The following DNAH9 variants were observed in gnomAD, a reference collection of about 807,000 sequenced individuals.
DNAH9 encodes the protein dynein axonemal heavy chain 9.
DNAH9 carries 345 observed loss-of-function variants against 471.6 expected under a neutral mutation model. The ratio of observed to expected loss-of-function variants is 0.73; its 90% CI spans 0.67 to 0.80. DNAH9 has a LOEUF of 0.80. DNAH9 is among the 30% of genes least tolerant of loss of function. The pLI, the probability that DNAH9 is intolerant of heterozygous loss-of-function variation, is 0.00. For missense variants in DNAH9, 5,407 were observed against 5,609.2 expected, an observed-to-expected ratio of 0.96 and a Z score of 1.15; for synonymous variants, 2,093 against 2,123.6, an observed-to-expected ratio of 0.99 and a Z score of 0.40.
rs891994877 is a variant in DNAH9 at position 11,711,685 on chromosome 17, C to T, written c.5552+6500C>T. On this transcript the variant is annotated intron_variant, in intron 26 of 68. Transcript: ENST00000262442. ...ATAAACCACTGGGGTTTTTGATTGG[C>T]ATGCCTTAATACTTTCAACTTCATT... 4.6e-5 allele frequency among the ~76,000 whole-genome samples: 7 copies of T among 151,014 alleles called. No individual in the cohort carries two copies. The East Asian group carries it at 9.8e-4, about 21-fold the overall frequency.
At position 11,651,153 on chromosome 17, in the gene DNAH9, T is replaced by G; in HGVS notation, c.2182T>G (p.Ser728Ala). 1 of 1,614,168 alleles carries G rather than the reference T, an allele frequency of 6.2e-7. No individual in the cohort carries two copies. The highest frequency in any genetic ancestry group is 8.5e-7 in the Non-Finnish European group (1 of 1,180,002). The part of the protein sequence containing the change: ...MPETAAAMFS[S>A]RDFYRQLVAN... ...TGAGACAGCAGCAGCCATGTTCTCC[T>G]CCAGGGATTTCTATCGGCAGCTTGT... The change falls in exon 13 of 69, where the codon TCC becomes GCC. Residue 728 changes from serine (S) to alanine (A), a missense_variant. Ser to Ala is a moderately conservative substitution (Grantham distance 99). Around this residue, in one of 3 missense-constraint regions of DNAH9, gnomAD observed 4,636 missense variants for 4,900.3 expected, o/e 0.95. Coordinates refer to ENST00000262442, the MANE Select transcript of DNAH9 (RefSeq NM_001372.4).
chr17:11,968,604 T>C (rs1976932330), intron 68 of DNAH9, among the ~76,000 whole-genome samples: 1 of 152,246 alleles, frequency 6.6e-6, no homozygotes, highest in African/African-American at 2.4e-5. Context: ...AGTGTGGTAG[T>C]GTATGTTGTA....
chr17:11,936,109 C>G (rs1273059981), intron 65 of DNAH9, among the ~76,000 whole-genome samples: 1 of 152,168 alleles, frequency 6.6e-6, no homozygotes, highest in African/African-American at 2.4e-5. Context: ...TCTTATACTT[C>G]TCTTTAATGT....
At chr17:11,818,435 A>C (rs1970184443) in intron 45 of DNAH9, among the ~76,000 whole-genome samples, 1 of 151,934 alleles carries the variant, frequency 6.6e-6, no homozygotes, top group Non-Finnish European at 1.5e-5. Flanking sequence ...ATTTAAAAAA[A>C]AAAAAAAGAA....
rs533829633 is a variant in DNAH9 at position 11,664,741 on chromosome 17, T to C, written c.2596-92T>C. 8.5e-6 allele frequency: 9 copies of C among 1,055,776 alleles called. No homozygotes were observed. In the South Asian group the frequency reaches 1.0e-4, roughly 12 times the overall value. 65.4% of individuals were successfully genotyped at this position (1,055,776 alleles called of 1,614,324 possible). A position where few individuals can be genotyped will look rare whatever the true frequency, so the allele number is the denominator to read the frequency against. On this transcript the variant is annotated intron_variant, in intron 14 of 68. Coordinates refer to ENST00000262442, the MANE Select transcript of DNAH9 (RefSeq NM_001372.4). Reference sequence around the variant, plus strand: ...CAAATTCTCCACAAGAGAGTTTTTTTCTCCATATGTTGTTTTTATTTTGAC... The same window carrying C: ...CAAATTCTCCACAAGAGAGTTTTTTCCTCCATATGTTGTTTTTATTTTGAC...
rs2150651874 is a variant in DNAH9 at position 11,617,496 on chromosome 17, G to C, written c.990G>C (p.Glu330Asp). Residue 330 changes from glutamate (E) to aspartate (D), a missense_variant, in exon 5 of 69, where the codon GAG (glutamate) becomes GAC (aspartate). By Grantham distance (45) the Glu-to-Asp change is conservative (BLOSUM62 2). Around this residue, in one of 3 missense-constraint regions of DNAH9, gnomAD observed 767 missense variants for 692.5 expected, o/e 1.11. Transcript: ENST00000262442. ...CTCTGGAGAATGCAGAATTTCCGGA[G>C]GTGAAGCCCCAGCTGCGGCCCCTGC... ...LEALENAEFP[E>D]VKPQLRPLLH... 6.2e-7 allele frequency: 1 copy of C among 1,614,152 alleles called. No individual in the cohort carries two copies. Among genetic ancestry groups the C allele is most frequent in the Admixed American group, 1.7e-5 (1 of 60,026 alleles).
At chr17:11,884,822 C>A (rs1972830937) in intron 56 of DNAH9, among the ~76,000 whole-genome samples, 1 of 152,032 alleles carries the variant, frequency 6.6e-6, no homozygotes. Context: ...TGCCACTGCC[C>A]TGGATAAGAG....
chr17:11,688,633 C>T (rs1298859998), intron 19 of DNAH9, among the ~76,000 whole-genome samples: 3 of 152,136 alleles, frequency 2.0e-5, no homozygotes, highest in Non-Finnish European at 2.9e-5. Flanking sequence ...ATCTGGGTCC[C>T]GCCCCCAGTG....
chr17:11,776,846 A>G (rs1968455819), intron 38 of DNAH9, among the ~76,000 whole-genome samples: 1 of 152,180 alleles, frequency 6.6e-6, no homozygotes, highest in Admixed American at 6.5e-5. Flanking sequence ...CCACAGGTTC[A>G]TAACACTGAC....
Position 11,969,294 on chromosome 17 carries a change from C to T in DNAH9, c.13234-6C>T. On this transcript the variant is annotated splice_region_variant and splice_polypyrimidine_tract_variant and intron_variant, in intron 68 of 68. Coordinates refer to ENST00000262442, the MANE Select transcript of DNAH9 (RefSeq NM_001372.4). ...TAAGGTGCCTCTTCTCATGTTTTAT[C>T]CTCAGGCTGGGATCATTACAGAGGC... 6.2e-7 allele frequency: 1 copy of T among 1,613,174 alleles called. No homozygotes were observed. Among genetic ancestry groups the T allele is most frequent in the South Asian group, 1.1e-5 (1 of 91,018 alleles).
intron 28 of DNAH9, among the ~76,000 whole-genome samples, chr17:11,731,554 C>A (rs2075270956): frequency 1.7e-5 from 2 of 116,708 alleles, no homozygotes; most frequent in Non-Finnish European, 3.4e-5. Context: ...CCCCCCTCCC[C>A]CCACCCAACA....
chr17:11,765,172 T>C (rs990345657), intron 36 of DNAH9, among the ~76,000 whole-genome samples: 7 of 152,186 alleles, frequency 4.6e-5, no homozygotes, highest in African/African-American at 1.7e-4. Flanking sequence ...TCACTCAGCA[T>C]GAATACATGC....
chr17:11,823,564 T>C (rs1423979709), intron 48 of DNAH9, among the ~76,000 whole-genome samples: 3 of 152,206 alleles, frequency 2.0e-5, no homozygotes, highest in African/African-American at 7.2e-5. Flanking sequence ...CCTCAATTTT[T>C]CAAAAAGCCC....
chr17:11,954,563 T>C (rs1309212162), intron 67 of DNAH9, among the ~76,000 whole-genome samples: 7 of 151,782 alleles, frequency 4.6e-5, no homozygotes, highest in Non-Finnish European at 1.5e-5. Flanking sequence ...AACTGTAAAC[T>C]TAGAATTCTT....
At chr17:11,721,763 T>A (rs2075063860) in intron 27 of DNAH9, among the ~76,000 whole-genome samples, 1 of 151,988 alleles carries the variant, frequency 6.6e-6, no homozygotes, top group Non-Finnish European at 1.5e-5. Flanking sequence ...ATATATGATA[T>A]CATCAGGGGA....
chr17:11,893,542 A>G (rs1190003975), intron 58 of DNAH9, among the ~76,000 whole-genome samples: 1 of 152,244 alleles, frequency 6.6e-6, no homozygotes, highest in Non-Finnish European at 1.5e-5. Flanking sequence ...GCCATAAAAA[A>G]GAACAAGTTC....
chr17:11,858,096 T>G (rs1971690790), intron 50 of DNAH9, among the ~76,000 whole-genome samples: 1 of 152,202 alleles, frequency 6.6e-6, no homozygotes, highest in Non-Finnish European at 1.5e-5. Flanking sequence ...TGATGAATTT[T>G]GGATGGCTGT....
intron 42 of DNAH9, among the ~76,000 whole-genome samples, chr17:11,796,144 A>G (rs1000199481): frequency 6.6e-6 from 1 of 152,204 alleles, no homozygotes; most frequent in African/African-American, 2.4e-5. Flanking sequence ...TTTGTAAACC[A>G]GCCTTTTCAA....
At chr17:11,866,980 G>A (rs1389322337) in intron 50 of DNAH9, among the ~76,000 whole-genome samples, 2 of 152,226 alleles carry the variant, frequency 1.3e-5, no homozygotes, top group African/African-American at 4.8e-5. Context: ...TCCCGAGCGA[G>A]GCAATGCCTC....
Sources: allele counts gnomAD v4.1 joint callset (sites outside exome capture counted in the v4.1 genomes callset), GRCh38; gene constraint gnomAD v4.1.1; regional missense constraint gnomAD v4.1.1; transcripts MANE v1.5; gene names NCBI Gene and HGNC (gene_info 2026-07-23, HGNC 2026-07-21).